The following ZNF365 variants were observed in gnomAD, a reference collection of about 807,000 sequenced individuals.
ZNF365 encodes the protein zinc finger protein 365.
Under a neutral mutation model 35.0 loss-of-function variants are expected in ZNF365, and 22 were observed. The observed-to-expected ratio is 0.63, with a 90% CI of 0.45 to 0.90. ZNF365 has a LOEUF of 0.90. Among genes scored for constraint, ZNF365 ranks in the 40% least tolerant of loss-of-function variants. The pLI is 0.00. For missense variants in ZNF365, 448 were observed against 500.3 expected (o/e 0.90, Z 1.00); for synonymous variants, 188 against 196.2 (o/e 0.96, Z 0.35).
rs536960305 is a variant in ZNF365 at position 62,456,840 on chromosome 10, A to G, written c.925-2901A>G. Reference sequence around the variant, plus strand: ...AGTTAAAACACACACACGTGCGCACACATGCACACACACACACACAAACTC... The same window carrying G: ...AGTTAAAACACACACACGTGCGCACGCATGCACACACACACACACAAACTC... On this transcript the variant is annotated intron_variant, in intron 3 of 4. Coordinates refer to the ZNF365 transcript ENST00000395255. 3.2e-3 allele frequency among the ~76,000 whole-genome samples: 460 copies of G among 143,130 alleles called. 1 individual carries two copies. Among genetic ancestry groups the G allele is most frequent in the African/African-American group, 0.013 (439 of 34,524 alleles). 93.9% of individuals were successfully genotyped at this position (143,130 alleles called of 152,430 possible). A position where few individuals can be genotyped will look rare whatever the true frequency, so the allele number is the denominator to read the frequency against.
chr10:62,469,585 C>T (rs1841000376), intron 4 of ZNF365, among the ~76,000 whole-genome samples: 1 of 152,034 alleles, frequency 6.6e-6, no homozygotes, highest in Non-Finnish European at 1.5e-5. Flanking sequence ...TTCCCTTTTT[C>T]TGTGAACTTT....
At chr10:62,438,755 T>G (rs903996282) in intron 3 of ZNF365, among the ~76,000 whole-genome samples, 1 of 152,156 alleles carries the variant, frequency 6.6e-6, no homozygotes, top group African/African-American at 2.4e-5. Context: ...TCTGGCAAAA[T>G]CCTCATAACT....
chr10:62,403,715 C>G (rs112256606), downstream of ZNF365, among the ~76,000 whole-genome samples: 1 of 152,148 alleles, frequency 6.6e-6, no homozygotes, highest in African/African-American at 2.4e-5. Context: ...TCAGTTCAAA[C>G]CTGTATCATT....
At chr10:62,414,341 AGTC>A (rs1311582771) in intron 3 of ZNF365, among the ~76,000 whole-genome samples, 1 of 151,388 alleles carries the variant, frequency 6.6e-6, no homozygotes, top group Non-Finnish European at 1.5e-5. Context: ...CTAGGACCAC[AGTC>A]ATACCACCAT....
At chr10:62,396,215 T>C (rs1164366995) in intron 3 of ZNF365, among the ~76,000 whole-genome samples, 1 of 152,260 alleles carries the variant, frequency 6.6e-6, no homozygotes, top group African/African-American at 2.4e-5. Context: ...TAATTTATTG[T>C]GTACATACTT....
At chr10:62,477,141 A>G (rs1230378169) in intron 4 of ZNF365, among the ~76,000 whole-genome samples, 3 of 152,198 alleles carry the variant, frequency 2.0e-5, no homozygotes, top group Non-Finnish European at 4.4e-5. Context: ...AAGAGAAAGG[A>G]CTGAATATAA....
At chr10:62,409,179 G>GTGTATA (rs1225672954) in intron 3 of ZNF365, among the ~76,000 whole-genome samples, 1 of 152,154 alleles carries the variant, frequency 6.6e-6, no homozygotes, top group African/African-American at 2.4e-5. Context: ...ACTTAAAGAG[G>GTGTATA]TAGGATGTGT....
At chr10:62,477,426 A>T (rs1841150345) in intron 4 of ZNF365, among the ~76,000 whole-genome samples, 1 of 152,222 alleles carries the variant, frequency 6.6e-6, no homozygotes, top group Admixed American at 6.5e-5. Flanking sequence ...TGAAGCAAAC[A>T]AATGTATCAA....
chr10:62,446,217 C>T (rs935664611), intron 3 of ZNF365, among the ~76,000 whole-genome samples: 1 of 152,160 alleles, frequency 6.6e-6, no homozygotes, highest in African/African-American at 2.4e-5. Flanking sequence ...GGTTTCCAGT[C>T]CCTGCTCCTG....
intron 4 of ZNF365, among the ~76,000 whole-genome samples, chr10:62,478,583 TG>T (rs1289014092): frequency 1.2e-4 from 19 of 152,060 alleles, no homozygotes; most frequent in Admixed American, 9.2e-4. Context: ...GTTTGTTGTT[TG>T]TTTTTTTGAG....
chr10:62,438,708 C>G (rs1840447332), intron 3 of ZNF365, among the ~76,000 whole-genome samples: 1 of 152,200 alleles, frequency 6.6e-6, no homozygotes, highest in Non-Finnish European at 1.5e-5. Flanking sequence ...CAGAGGCACA[C>G]TGTGCCTTAC....
At chr10:62,465,588 TA>T (rs146992628) in intron 4 of ZNF365, among the ~76,000 whole-genome samples, 1,711 of 152,128 alleles carry the variant, frequency 0.011, 27 homozygotes, top group African/African-American at 0.039. Context: ...TTTGAGCCCA[TA>T]AAAACCCCAG....
chr10:62,471,384 A>AT (rs986798352), intron 4 of ZNF365, among the ~76,000 whole-genome samples: 1 of 151,452 alleles, frequency 6.6e-6, no homozygotes, highest in African/African-American at 2.4e-5. Context: ...AAAAAAAAAA[A>AT]TAGGTATTCT....
chr10:62,479,939 G>A, exon 5 of ZNF365: 3 of 1,610,888 alleles, frequency 1.9e-6, no homozygotes, highest in Non-Finnish European at 2.5e-6. Flanking sequence ...CTTGGATCAA[G>A]AGAATCGCAA....
intron 3 of ZNF365, among the ~76,000 whole-genome samples, chr10:62,391,035 C>T (rs4543879): frequency 0.39 from 59,339 of 151,766 alleles, 12,052 homozygotes; most frequent in African/African-American, 0.48. Flanking sequence ...TTTATGAACA[C>T]TGTACACTTA....
intron 3 of ZNF365, among the ~76,000 whole-genome samples, chr10:62,448,933 C>A (rs756524670): frequency 6.6e-6 from 1 of 152,166 alleles, no homozygotes. Context: ...TTATTTCCAA[C>A]TTTGAACATT....
chr10:62,449,174 T>C (rs1330829889), intron 3 of ZNF365, among the ~76,000 whole-genome samples: 1 of 152,240 alleles, frequency 6.6e-6, no homozygotes, highest in African/African-American at 2.4e-5. Flanking sequence ...GGTTCTTGCT[T>C]ATGATACTAT....
chr10:62,451,131 T>A (rs1840677637), intron 3 of ZNF365, among the ~76,000 whole-genome samples: 1 of 152,224 alleles, frequency 6.6e-6, no homozygotes, highest in Admixed American at 6.5e-5. Flanking sequence ...GGCTGAGTTG[T>A]GAGCAAACTC....
chr10:62,403,626 C>T (rs2132433202), downstream of ZNF365, among the ~76,000 whole-genome samples: 1 of 152,270 alleles, frequency 6.6e-6, no homozygotes, highest in African/African-American at 2.4e-5. Flanking sequence ...CCACTGCACT[C>T]CAGCCTGGGT....
Sources: gnomAD v4.1 joint callset for allele counts (sites outside exome capture counted in the v4.1 genomes callset) on GRCh38, gnomAD v4.1.1 for gene constraint, MANE v1.5 for transcripts, NCBI Gene and HGNC (gene_info 2026-07-23, HGNC 2026-07-21) for gene names.